The following DR1 variants were observed in gnomAD, a reference collection of about 807,000 sequenced individuals.
DR1 encodes down-regulator of transcription 1.
DR1 carries 7 observed loss-of-function variants against 19.9 expected under a neutral mutation model. That is an observed-to-expected ratio of 0.35 (90% CI 0.20 to 0.66). The LOEUF is 0.66. Ranked by LOEUF, DR1 falls within the 30% of genes least tolerant of loss-of-function variation. The pLI, the probability that DR1 is intolerant of heterozygous loss-of-function variation, is 0.66. For missense variants in DR1, 98 were observed against 203.7 expected (o/e 0.48, Z 3.16); for synonymous variants, 76 against 72.5 (o/e 1.05, Z -0.24).
In DR1 at chr1:93,365,938, C is replaced by T. The variant is rs367980036; in HGVS notation, c.*5299C>T. The stretch of plus-strand genomic sequence containing the variant: ...TTTTATTGTGATTAAATATGCATAT[C>T]GTAAAATTCACCACTTTAACCAGTT... On this transcript the variant is annotated 3_prime_UTR_variant, in exon 3 of 3. Transcript: ENST00000370272. The T allele has an allele frequency of 2.6e-4, 39 of 152,256 alleles. No individual in the cohort carries two copies. Among genetic ancestry groups the T allele is most frequent in the African/African-American group, 7.9e-4 (33 of 41,544 alleles). 9.4% of individuals were successfully genotyped at this position (152,256 alleles called of 1,614,324 possible). A position where few individuals can be genotyped will look rare whatever the true frequency, so the allele number is the denominator to read the frequency against.
Position 93,366,526 on chromosome 1 carries a change from A to G in DR1, c.*5887A>G, listed in dbSNP as rs1305621772. On this transcript the variant is annotated 3_prime_UTR_variant, in exon 3 of 3. Coordinates refer to ENST00000370272, the MANE Select transcript of DR1 (RefSeq NM_001938.3). ...GGTTCTGGGAAACTGCGAGTTTAAGAAAAACAACATATAATGAAATCAATT... is the reference window on the plus strand; with the variant it reads ...GGTTCTGGGAAACTGCGAGTTTAAGGAAAACAACATATAATGAAATCAATT... 3.3e-5 allele frequency: 5 copies of G among 152,220 alleles called. No individual in the cohort carries two copies. The highest frequency in any genetic ancestry group is 3.3e-4 in the Admixed American group (5 of 15,284). 9.4% of individuals were successfully genotyped at this position (152,220 alleles called of 1,614,324 possible).
chr1:93,358,917 C>G (rs1248741734), intron 2 of DR1, among the ~76,000 whole-genome samples: 1 of 152,102 alleles, frequency 6.6e-6, no homozygotes, highest in Non-Finnish European at 1.5e-5. Context: ...GGTAGAATTT[C>G]AGTAAGTGGC....
In DR1 at chr1:93,361,932, T is replaced by A. The variant is rs777079360; in HGVS notation, c.*1293T>A. The A allele has an allele frequency of 6.6e-6, 1 of 152,494 alleles. No individual in the cohort carries two copies. The highest frequency in any genetic ancestry group is 6.5e-5 in the Admixed American group (1 of 15,282). 9.4% of individuals were successfully genotyped at this position (152,494 alleles called of 1,614,324 possible). ...AATCCAGGATGTTGAAGAAATGGCA[T>A]AATGTCTATATTTTGGAAACAGAAA... On this transcript the variant is annotated 3_prime_UTR_variant, in exon 3 of 3. Coordinates refer to ENST00000370272, the MANE Select transcript of DR1 (RefSeq NM_001938.3).
chr1:93,351,784 G>A (rs1411483047), intron 1 of DR1, among the ~76,000 whole-genome samples: 2 of 151,922 alleles, frequency 1.3e-5, no homozygotes, highest in Non-Finnish European at 2.9e-5. Context: ...TATTTTGAAG[G>A]GTTGTCTCTC....
rs1666925640 is a variant in DR1 at position 93,352,467 on chromosome 1, T to G, written c.221-1441T>G. On this transcript the variant is annotated intron_variant, in intron 1 of 2. Transcript: ENST00000370272. ...AGTTAACTTAATAATAGGACAGTAC[T>G]ATGCTTTTTGGCATCAGATTATTTC... Among the ~76,000 whole-genome samples, 5 of 152,368 alleles carry G rather than the reference T, an allele frequency of 3.3e-5. No individual in the cohort carries two copies. The South Asian group carries it at 1.0e-3, about 32-fold the overall frequency.
chr1:93,346,576 A>G lies in DR1; in HGVS notation c.-70A>G. The G allele has an allele frequency of 7.4e-7, 1 of 1,353,812 alleles. No homozygotes were observed. The highest frequency in any genetic ancestry group is 1.0e-6 in the Non-Finnish European group (1 of 963,280). The allele number at this position is 1,353,812 out of a possible 1,614,324, so 83.9% of individuals were successfully genotyped here. ...CTCTCCGAGGGCGACTTTTTGAGAA[A>G]TCTCGGTGGAGTAGTGGACCAGAGC... On this transcript the variant is annotated 5_prime_UTR_variant, in exon 1 of 3. Transcript: ENST00000370272.
chr1:93,355,523 C>T (rs1217095222), intron 2 of DR1: 1 of 152,236 alleles, frequency 6.6e-6, no homozygotes, highest in Non-Finnish European at 1.5e-5. Flanking sequence ...CTGTTTCTAA[C>T]ATACCATGCT....
chr1:93,353,187 G>A (rs887364011), intron 1 of DR1, among the ~76,000 whole-genome samples: 1 of 152,024 alleles, frequency 6.6e-6, no homozygotes, highest in Non-Finnish European at 1.5e-5. Flanking sequence ...GAACTACCAT[G>A]CCTAGCCCAT....
rs370036548 is a variant in DR1, at chr1:93,363,579, A to G, written c.*2940A>G. ...TCTATGATCAAAGCTTGCTTTTGTC[A>G]TTATATCATCTTCTCTTCTGTAGTC... On this transcript the variant is annotated 3_prime_UTR_variant, in exon 3 of 3. Transcript: ENST00000370272. 2 of 152,134 alleles carry G rather than the reference A, an allele frequency of 1.3e-5. No homozygotes were observed. Among genetic ancestry groups the G allele is most frequent in the East Asian group, 3.8e-4 (2 of 5,198 alleles). The allele number at this position is 152,134 out of a possible 1,614,324, so 9.4% of individuals were successfully genotyped here.
chr1:93,348,929 TTA>T (rs1666884926), intron 1 of DR1, among the ~76,000 whole-genome samples: 1 of 152,050 alleles, frequency 6.6e-6, no homozygotes, highest in South Asian at 2.1e-4. Flanking sequence ...TTCTTAAGGT[TTA>T]TATGTTTTAG....
rs763881675 is a variant in DR1 at position 93,360,556 on chromosome 1, C to G, written c.448C>G (p.Gln150Glu). 10 of 1,600,746 alleles carry G rather than the reference C, an allele frequency of 6.2e-6. No individual in the cohort carries two copies. Among genetic ancestry groups the G allele is most frequent in the Non-Finnish European group, 8.5e-6 (10 of 1,175,376 alleles). Reference sequence around the variant, plus strand: ...GCTTCAAATGCAGCAAGCTGCCCAACAAGCCCAGCTTGCTGCTGCCTCAGC... The same window carrying G: ...GCTTCAAATGCAGCAAGCTGCCCAAGAAGCCCAGCTTGCTGCTGCCTCAGC... The part of the protein sequence containing the change: ...EWLQMQQAAQ[Q>E]AQLAAASASA... The change falls in exon 3 of 3, where the codon CAA becomes GAA. Residue 150 changes from glutamine to glutamate, a missense_variant. By Grantham distance (29) the Gln-to-Glu change is conservative. Coordinates refer to ENST00000370272, the MANE Select transcript of DR1 (RefSeq NM_001938.3).
In DR1 at chr1:93,363,217, C is replaced by G. The variant is rs1667078770; in HGVS notation, c.*2578C>G. 1 of 152,172 alleles carries G rather than the reference C, an allele frequency of 6.6e-6. No homozygotes were observed. Among genetic ancestry groups the G allele is most frequent in the Non-Finnish European group, 1.5e-5 (1 of 68,008 alleles). 9.4% of individuals were successfully genotyped at this position (152,172 alleles called of 1,614,324 possible). ...CTGTCTTCTTTCTTGCTGAAAGTTA[C>G]TATCCTGACTTCTAAAATCATAGAT... On this transcript the variant is annotated 3_prime_UTR_variant, in exon 3 of 3. Coordinates refer to ENST00000370272, the MANE Select transcript of DR1 (RefSeq NM_001938.3).
intron 1 of DR1, among the ~76,000 whole-genome samples, chr1:93,351,828 T>A (rs1666916286): frequency 6.6e-6 from 1 of 152,222 alleles, no homozygotes; most frequent in South Asian, 2.1e-4. Flanking sequence ...ATAAATTTGA[T>A]ATTTTATAAA....
intron 1 of DR1, among the ~76,000 whole-genome samples, chr1:93,353,671 T>C (rs1666944480): frequency 6.6e-6 from 1 of 152,260 alleles, no homozygotes; most frequent in African/African-American, 2.4e-5. Flanking sequence ...AGTGAAGGCA[T>C]GTGCCTTGGT....
At chr1:93,355,203 T>TA (rs570929345) in intron 2 of DR1, 1 of 152,200 alleles carries the variant, frequency 6.6e-6, no homozygotes, top group Non-Finnish European at 1.5e-5. Context: ...GCAGAGTTTT[T>TA]ATGAAATATA....
At chr1:93,359,525 G>T (rs148611240) in intron 2 of DR1, among the ~76,000 whole-genome samples, 82 of 152,284 alleles carry the variant, frequency 5.4e-4, no homozygotes, top group Admixed American at 1.2e-3. Context: ...TTCAGATGAT[G>T]ACTAGGAATT....
chr1:93,350,173 C>T (rs1666899343), intron 1 of DR1, among the ~76,000 whole-genome samples: 1 of 152,112 alleles, frequency 6.6e-6, no homozygotes, highest in Admixed American at 6.5e-5. Flanking sequence ...CCCACAATTA[C>T]TTATTGAATA....
At chr1:93,351,993 A>G (rs750181233) in intron 1 of DR1, among the ~76,000 whole-genome samples, 14 of 152,230 alleles carry the variant, frequency 9.2e-5, no homozygotes, top group Non-Finnish European at 1.6e-4. Flanking sequence ...TAGGTGCTAG[A>G]CACTGTCAAA....
rs543244473 is a variant in DR1, at chr1:93,360,408, A to G, written c.385-85A>G. On this transcript the variant is annotated intron_variant, in intron 2 of 2. Transcript: ENST00000370272. ...CAAGTATGATAATAAACTGTCTGAA[A>G]TTGGCCTAATCTACATTTAACCAAA... 6 of 1,290,586 alleles carry G rather than the reference A, an allele frequency of 4.6e-6. No individual in the cohort carries two copies. In the Admixed American group the frequency reaches 1.8e-4, roughly 39 times the overall value. 79.9% of individuals were successfully genotyped at this position (1,290,586 alleles called of 1,614,324 possible).
Sources: allele counts gnomAD v4.1 joint callset (sites outside exome capture counted in the v4.1 genomes callset), GRCh38; gene constraint gnomAD v4.1.1; transcripts MANE v1.5; gene names NCBI Gene and HGNC (gene_info 2026-07-23, HGNC 2026-07-21).